The following MYL10 variants were observed in gnomAD, a reference collection of about 807,000 sequenced individuals.
MYL10 encodes myosin light chain 10.
A neutral mutation model predicts 21.9 loss-of-function variants in MYL10; 18 were observed. The ratio of observed to expected loss-of-function variants is 0.82; its 90% CI spans 0.57 to 1.22. The LOEUF is 1.22. MYL10 is among the 50% of genes most tolerant of loss of function. The probability of loss-of-function intolerance (pLI) is 0.00; values close to 1 mark genes in which losing one functional copy is unlikely to be tolerated. For missense variants in MYL10, 225 were observed against 230.4 expected (o/e 0.98, Z 0.15); for synonymous variants, 88 against 82.8 (o/e 1.06, Z -0.34).
chr7:101,613,470 A>T lies in MYL10; in HGVS notation c.*5T>A, dbSNP rs1274422997. ...CCCCTGAATGTCGGGGAGACTTGTGATCCCCTAATCCTTCTCTTCACCGTG... is the reference window on the plus strand; with the variant it reads ...CCCCTGAATGTCGGGGAGACTTGTGTTCCCCTAATCCTTCTCTTCACCGTG... On this transcript the variant is annotated 3_prime_UTR_variant, in exon 8 of 8. Coordinates refer to ENST00000223167, the MANE Select transcript of MYL10 (RefSeq NM_138403.5). 1 of 1,612,228 alleles carries T rather than the reference A, an allele frequency of 6.2e-7. No individual in the cohort carries two copies. The highest frequency in any genetic ancestry group is 8.5e-7 in the Non-Finnish European group (1 of 1,178,306).
At chr7:101,625,493 A>G (rs1217937323) in intron 1 of MYL10, among the ~76,000 whole-genome samples, 2 of 145,384 alleles carry the variant, frequency 1.4e-5, no homozygotes, top group Non-Finnish European at 3.0e-5. Context: ...ACCTGCCCCC[A>G]CCAGAGCAGA....
In MYL10 at chr7:101,623,036, T is replaced by C. The variant is rs775803065; in HGVS notation, c.310A>G (p.Ile104Val). Reference protein sequence around the residue: ...TIMDQNRDGFIDKEDLRDTFA... With the variant: ...TIMDQNRDGFVDKEDLRDTFA... ...GTGTCCCTCAAGTCCTCTTTGTCGA[T>C]GAAGCCATCACGGTTCTGGTCCATG... is the stretch of plus-strand genomic sequence containing the variant. The change falls in exon 4 of 8, where the codon ATC becomes GTC. Residue 104 changes from isoleucine (I) to valine (V), a missense_variant. Physicochemically the swap from Ile to Val is conservative, Grantham distance 29. Transcript: ENST00000223167. 9 of 1,614,074 alleles carry C rather than the reference T, an allele frequency of 5.6e-6. No individual in the cohort carries two copies. The highest frequency in any genetic ancestry group is 4.2e-6 in the Non-Finnish European group (5 of 1,180,014).
chr7:101,619,061 G>A (rs927201890), intron 5 of MYL10, among the ~76,000 whole-genome samples: 1 of 152,050 alleles, frequency 6.6e-6, no homozygotes, highest in South Asian at 2.1e-4. Context: ...CACCTCCTGG[G>A]CCCGGCCCTG....
At chr7:101,613,928 A>G (rs1443769328) in intron 6 of MYL10, among the ~76,000 whole-genome samples, 1 of 152,072 alleles carries the variant, frequency 6.6e-6, no homozygotes, top group African/African-American at 2.4e-5. Context: ...AGCATCAGGT[A>G]GGGACCAAAA....
intron 4 of MYL10, 150 bp downstream of exon 4, chr7:101,622,847 C>A (rs34594091): frequency 1.5e-5 from 10 of 655,072 alleles, no homozygotes; most frequent in Admixed American, 5.9e-5. Flanking sequence ...AAGGTCCCCC[C>A]CTGACTTTCC....
chr7:101,617,109 G>A (rs1195480980), intron 5 of MYL10, among the ~76,000 whole-genome samples: 2 of 152,226 alleles, frequency 1.3e-5, no homozygotes, highest in East Asian at 1.9e-4. Context: ...ACCCTCGCCC[G>A]GTGCCCTTTC....
intron 6 of MYL10, among the ~76,000 whole-genome samples, chr7:101,614,625 C>T (rs1252502902): frequency 1.3e-5 from 2 of 152,158 alleles, no homozygotes; most frequent in African/African-American, 4.8e-5. Flanking sequence ...GATGCCTCCC[C>T]AGGTCCCCAG....
intron 6 of MYL10, 45 bp downstream of exon 6, chr7:101,616,175 T>C: frequency 6.4e-7 from 1 of 1,567,988 alleles, no homozygotes; most frequent in Non-Finnish European, 8.8e-7. Flanking sequence ...AGCCCAAAGC[T>C]GGCTTATTCC....
At chr7:101,621,492 G>A (rs1796676967) in intron 5 of MYL10, among the ~76,000 whole-genome samples, 1 of 152,136 alleles carries the variant, frequency 6.6e-6, no homozygotes, top group African/African-American at 2.4e-5. Flanking sequence ...TGTGCAGAGC[G>A]GGTAAAAGGA....
Position 101,616,279 on chromosome 7 carries a change from G to T in MYL10, c.474C>A (p.Thr158=), listed in dbSNP as rs779004791. The T allele has an allele frequency of 8.7e-6, 14 of 1,613,998 alleles. No homozygotes were observed. The highest frequency in any genetic ancestry group is 1.2e-5 in the Non-Finnish European group (14 of 1,179,974). ...EKLKGTDPEE[T]ILHAFKVFDT... is the part of the protein sequence containing the mutation. ...CGAACACTTTGAAGGCGTGGAGAAT[G>T]GTCTCCTCTGGGTCCGTGCCTATAA... The change falls in exon 6 of 8, where the codon ACC becomes ACA. Residue 158 remains threonine (T), a synonymous_variant. Coordinates refer to ENST00000223167, the MANE Select transcript of MYL10 (RefSeq NM_138403.5).
At chr7:101,618,165 A>G (rs1225637470) in intron 5 of MYL10, among the ~76,000 whole-genome samples, 7 of 152,216 alleles carry the variant, frequency 4.6e-5, no homozygotes, top group Admixed American at 4.6e-4. Flanking sequence ...GAACTCCTAG[A>G]GGGCAGCGCC....
At chr7:101,614,478 G>T (rs1796585766) in intron 6 of MYL10, among the ~76,000 whole-genome samples, 2 of 152,206 alleles carry the variant, frequency 1.3e-5, no homozygotes, top group Admixed American at 6.5e-5. Flanking sequence ...ACAGATCCAG[G>T]TCCCATGTCC....
At chr7:101,620,085 G>A (rs188058317) in intron 5 of MYL10, among the ~76,000 whole-genome samples, 2 of 152,146 alleles carry the variant, frequency 1.3e-5, no homozygotes, top group East Asian at 3.9e-4. Context: ...AGTTTGGGAG[G>A]CGGATATGGG....
intron 4 of MYL10, among the ~76,000 whole-genome samples, chr7:101,622,682 T>C (rs1433153818): frequency 6.6e-6 from 1 of 152,050 alleles, no homozygotes; most frequent in Non-Finnish European, 1.5e-5. Context: ...GTTGGGTCTT[T>C]CCCTCTGACT....
At position 101,616,136 on chromosome 7, in the gene MYL10, G is replaced by A. The variant is rs1285291121; in HGVS notation, c.533+84C>T. ...CCCCAGCTCCTGGCTTCTGGGAGAG[G>A]AGACTGGGCGACCATCCACCCTGAC... is the stretch of plus-strand genomic sequence containing the variant. On this transcript the variant is annotated intron_variant, in intron 6 of 7. Coordinates refer to ENST00000223167, the MANE Select transcript of MYL10 (RefSeq NM_138403.5). 9 of 1,140,968 alleles carry A rather than the reference G, an allele frequency of 7.9e-6. No individual in the cohort carries two copies. In the Admixed American group the frequency reaches 1.7e-4, roughly 22 times the overall value. The allele number at this position is 1,140,968 out of a possible 1,614,324, so 70.7% of individuals were successfully genotyped here. A position where few individuals can be genotyped will look rare whatever the true frequency, so the allele number is the denominator to read the frequency against.
chr7:101,616,199 G>C (rs1466749347), intron 6 of MYL10, 21 bp downstream of exon 6: 4 of 1,608,800 alleles, frequency 2.5e-6, no homozygotes, highest in South Asian at 1.1e-5. Flanking sequence ...GAGCATTTTG[G>C]GGGAGTCAGG....
chr7:101,613,383 C>A lies in MYL10; in HGVS notation c.*92G>T. The A allele has an allele frequency of 1.9e-6, 2 of 1,050,768 alleles. No individual in the cohort carries two copies. The highest frequency in any genetic ancestry group is 1.5e-6 in the Non-Finnish European group (1 of 683,084). 65.1% of individuals were successfully genotyped at this position (1,050,768 alleles called of 1,614,324 possible). Reference sequence around the variant, plus strand: ...GTCCCCAACCGTAGGACAAGGGAAGCCTTTTTCCTGCAGCCTCTGGCTGCA... The same window carrying A: ...GTCCCCAACCGTAGGACAAGGGAAGACTTTTTCCTGCAGCCTCTGGCTGCA... On this transcript the variant is annotated 3_prime_UTR_variant, in exon 8 of 8. Transcript: ENST00000223167.
At chr7:101,624,289 G>A in intron 1 of MYL10, 25 bp from the exon 2 acceptor site, 1 of 1,595,692 alleles carries the variant, frequency 6.3e-7, no homozygotes, top group Non-Finnish European at 8.6e-7. Context: ...ACAAGGCCTT[G>A]CAGCGGCCCC....
intron 1 of MYL10, among the ~76,000 whole-genome samples, chr7:101,626,319 C>T (rs772982894): frequency 2.6e-5 from 4 of 152,202 alleles, no homozygotes; most frequent in Admixed American, 6.5e-5. Context: ...AATCAGGCCC[C>T]GTCTTGGTCC....
Sources: allele counts gnomAD v4.1 joint callset (sites outside exome capture counted in the v4.1 genomes callset), GRCh38; gene constraint gnomAD v4.1.1; transcripts MANE v1.5; gene names NCBI Gene and HGNC (gene_info 2026-07-23, HGNC 2026-07-21).